The following SCN7A variants were observed in gnomAD, a reference collection of about 807,000 sequenced individuals.
The protein encoded by SCN7A is sodium voltage-gated channel alpha subunit 7.
Under a neutral mutation model 155.2 loss-of-function variants are expected in SCN7A, and 138 were observed. That is an observed-to-expected ratio of 0.89 (90% CI 0.77 to 1.02). The LOEUF (loss-of-function observed/expected upper bound fraction) is 1.02. Ranked by LOEUF, SCN7A falls within the 50% of genes least tolerant of loss-of-function variation. SCN7A has a pLI of 0.00. For missense variants in SCN7A, 2,058 were observed against 1,986.6 expected (o/e 1.04, Z -0.68); for synonymous variants, 693 against 649.0 (o/e 1.07, Z -1.03).
At chr2:166,441,964 A>G (rs1382875923) in intron 14 of SCN7A, among the ~76,000 whole-genome samples, 1 of 152,210 alleles carries the variant, frequency 6.6e-6, no homozygotes, top group Non-Finnish European at 1.5e-5. Context: ...ATCCTCTTCT[A>G]CTGATGTATT....
At chr2:166,437,383 T>C (rs745596917) in intron 15 of SCN7A, among the ~76,000 whole-genome samples, 40 of 152,114 alleles carry the variant, frequency 2.6e-4, no homozygotes, top group Non-Finnish European at 1.8e-4. Flanking sequence ...AGAGGATGTA[T>C]GGAAATGCCT....
chr2:166,443,167 C>T (rs1229615484), intron 14 of SCN7A, among the ~76,000 whole-genome samples: 3 of 152,108 alleles, frequency 2.0e-5, no homozygotes, highest in Admixed American at 2.0e-4. Flanking sequence ...AAATACTCAC[C>T]TTATTTCGGC....
rs961694334 is a variant in SCN7A at position 166,404,004 on chromosome 2, T to A, written c.*1576A>T. 88 of 151,662 alleles carry A rather than the reference T, an allele frequency of 5.8e-4. No homozygotes were observed. Among genetic ancestry groups the A allele is most frequent in the African/African-American group, 2.1e-3 (87 of 41,420 alleles). 9.4% of individuals were successfully genotyped at this position (151,662 alleles called of 1,614,324 possible). A position where few individuals can be genotyped will look rare whatever the true frequency, so the allele number is the denominator to read the frequency against. ...AGGGCATCCCCTAAAGGCATCTTGG[T>A]TAGGTTATTCAATTTCTGAGGGGCA... is the stretch of plus-strand genomic sequence containing the variant. On this transcript the variant is annotated 3_prime_UTR_variant, in exon 26 of 26. Transcript: ENST00000643258.
intron 12 of SCN7A, 109 bp from the exon 13 acceptor site, chr2:166,445,109 A>C: frequency 3.1e-6 from 2 of 653,262 alleles, no homozygotes; most frequent in Non-Finnish European, 5.4e-6. Flanking sequence ...TAAGTTCAGG[A>C]GTTCGAGACC....
chr2:166,474,188 G>A, intron 4 of SCN7A, 38 bp downstream of exon 4: 4 of 949,396 alleles, frequency 4.2e-6, no homozygotes, highest in South Asian at 2.0e-5. Context: ...GTTAATGTCA[G>A]CACAGTTTAA....
intron 3 of SCN7A, among the ~76,000 whole-genome samples, chr2:166,475,456 G>C (rs12990404): frequency 0.13 from 19,262 of 151,126 alleles, 1,351 homozygotes; most frequent in Middle Eastern, 0.16. Flanking sequence ...TCATGAATAA[G>C]TGTTCTAAAT....
At chr2:166,461,567 C>T (rs562579628) in intron 10 of SCN7A, among the ~76,000 whole-genome samples, 1 of 152,070 alleles carries the variant, frequency 6.6e-6, no homozygotes, top group Non-Finnish European at 1.5e-5. Flanking sequence ...CAAAAAGAAA[C>T]AGGACACTGT....
intron 21 of SCN7A, 87 bp downstream of exon 21, chr2:166,416,620 A>T: frequency 8.7e-7 from 1 of 1,148,380 alleles, no homozygotes; most frequent in Non-Finnish European, 1.2e-6. Flanking sequence ...AACCAAATGT[A>T]TTAATCGCCC....
intron 2 of SCN7A, among the ~76,000 whole-genome samples, chr2:166,486,563 G>A (rs1703054606): frequency 1.3e-5 from 2 of 152,156 alleles, no homozygotes; most frequent in Admixed American, 6.5e-5. Flanking sequence ...AGGTGATTTC[G>A]ATCATACAAG....
At chr2:166,461,593 A>C (rs974872566) in intron 10 of SCN7A, among the ~76,000 whole-genome samples, 1 of 152,212 alleles carries the variant, frequency 6.6e-6, no homozygotes, top group African/African-American at 2.4e-5. Flanking sequence ...TTCAATAAAT[A>C]ATTGCTTAAG....
chr2:166,429,318 A>C, intron 16 of SCN7A, 44 bp from the exon 17 acceptor site: 1 of 1,242,654 alleles, frequency 8.0e-7, no homozygotes, highest in Non-Finnish European at 1.1e-6. Flanking sequence ...TTAAAGTTTC[A>C]TTTACCCATG....
chr2:166,429,931 T>C (rs1018453930), intron 16 of SCN7A, among the ~76,000 whole-genome samples: 1 of 152,068 alleles, frequency 6.6e-6, no homozygotes, highest in Non-Finnish European at 1.5e-5. Flanking sequence ...TTGCTTTACA[T>C]AGGTAATAGT....
intron 2 of SCN7A, among the ~76,000 whole-genome samples, chr2:166,480,501 C>T (rs535446414): frequency 5.1e-4 from 78 of 151,506 alleles, no homozygotes; most frequent in Non-Finnish European, 9.9e-4. Flanking sequence ...AAAAAACAGC[C>T]TTTCAAAATA....
intron 20 of SCN7A, 72 bp downstream of exon 20, chr2:166,421,118 G>T: frequency 2.1e-6 from 2 of 961,102 alleles, no homozygotes; most frequent in Non-Finnish European, 3.1e-6. Context: ...AGAAAACAAA[G>T]CTTCCCAATT....
intron 15 of SCN7A, among the ~76,000 whole-genome samples, chr2:166,439,977 AAAG>A (rs1701923295): frequency 6.6e-6 from 1 of 152,182 alleles, no homozygotes; most frequent in South Asian, 2.1e-4. Flanking sequence ...ACATGAGTAA[AAAG>A]AAAATACCAA....
At chr2:166,431,711 G>C (rs917413483) in intron 16 of SCN7A, among the ~76,000 whole-genome samples, 7 of 151,966 alleles carry the variant, frequency 4.6e-5, no homozygotes, top group African/African-American at 1.7e-4. Context: ...TTTAAAGCCA[G>C]TGCGTTATAA....
intron 2 of SCN7A, among the ~76,000 whole-genome samples, chr2:166,477,961 C>A (rs958104755): frequency 6.6e-6 from 1 of 151,912 alleles, no homozygotes; most frequent in Admixed American, 6.6e-5. Flanking sequence ...ATCTACCTTT[C>A]AACTTCTCCA....
chr2:166,470,895 C>T (rs150059182), intron 6 of SCN7A, among the ~76,000 whole-genome samples, 189 bp from the exon 7 acceptor site: 1 of 151,594 alleles, frequency 6.6e-6, no homozygotes, highest in East Asian at 1.9e-4. Context: ...GGAAAGTGGC[C>T]AGGTAAATAT....
chr2:166,480,703 G>A (rs1484139793), intron 2 of SCN7A, among the ~76,000 whole-genome samples: 2 of 152,052 alleles, frequency 1.3e-5, no homozygotes, highest in African/African-American at 2.4e-5. Flanking sequence ...ACATTGTCTT[G>A]GTATTTTGAA....
Sources: allele counts gnomAD v4.1 joint callset (sites outside exome capture counted in the v4.1 genomes callset), GRCh38; gene constraint gnomAD v4.1.1; transcripts MANE v1.5; gene names NCBI Gene and HGNC (gene_info 2026-07-23, HGNC 2026-07-21).